PGRMC2: variants seen among roughly 807,000 people sequenced by gnomAD.
PGRMC2 encodes progesterone receptor membrane component 2.
A neutral mutation model predicts 19.3 loss-of-function variants in PGRMC2; 9 were observed. The observed-to-expected ratio is 0.47, with a 90% CI of 0.28 to 0.81. The LOEUF (loss-of-function observed/expected upper bound fraction) is 0.81. Ranked by LOEUF, PGRMC2 falls within the 40% of genes least tolerant of loss-of-function variation. The pLI is 0.11. For synonymous variants in PGRMC2, 157 were observed against 124.6 expected (o/e 1.26, Z -1.73); for missense variants, 289 against 297.3 (o/e 0.97, Z 0.21).
intron 1 of PGRMC2, 67 bp from the exon 2 acceptor site, chr4:128,272,584 TA>T (rs5861848): frequency 0.29 from 98,267 of 333,448 alleles, 5,407 homozygotes; most frequent in East Asian, 0.35. Flanking sequence ...AAGGAAAAAG[TA>T]AAAAAAAAAA....
At chr4:128,286,629 T>A (rs1277521483) in intron 1 of PGRMC2, 3 of 398,500 alleles carry the variant, frequency 7.5e-6, no homozygotes, top group East Asian at 3.6e-5. Flanking sequence ...CTGCTGGGTA[T>A]AGGAGCTCCA....
chr4:128,270,397 A>C lies in PGRMC2; in HGVS notation c.*919T>G, dbSNP rs576230932. The C allele has an allele frequency of 7.2e-5, 11 of 152,720 alleles. No individual in the cohort carries two copies. The highest frequency in any genetic ancestry group is 2.4e-4 in the African/African-American group (10 of 41,572). 9.5% of individuals were successfully genotyped at this position (152,720 alleles called of 1,614,324 possible). A position where few individuals can be genotyped will look rare whatever the true frequency, so the allele number is the denominator to read the frequency against. Reference sequence around the variant, plus strand: ...GAATGCATTTGGCCATTACAATGCTAATTGAGTTTGTGTATATTACATATA... The same window carrying C: ...GAATGCATTTGGCCATTACAATGCTCATTGAGTTTGTGTATATTACATATA... On this transcript the variant is annotated 3_prime_UTR_variant, in exon 3 of 3. Coordinates refer to ENST00000296425, the MANE Select transcript of PGRMC2 (RefSeq NM_006320.6).
chr4:128,287,808 T>TTCC lies in PGRMC2; in HGVS notation c.-21_-19dup, dbSNP rs752288918. 1.3e-6 allele frequency: 2 copies of TTCC among 1,513,066 alleles called. No homozygotes were observed. Among genetic ancestry groups the TTCC allele is most frequent in the South Asian group, 2.3e-5 (2 of 85,944 alleles). 93.7% of individuals were successfully genotyped at this position (1,513,066 alleles called of 1,614,324 possible). A position where few individuals can be genotyped will look rare whatever the true frequency, so the allele number is the denominator to read the frequency against. On this transcript the variant is annotated 5_prime_UTR_variant, in exon 1 of 3. Transcript: ENST00000296425. ...GCCGCCATCACTGCCCGCCAGCGCCTTCCTCCTCCTCCCCGCCCCCTGCCC... is the reference window on the plus strand; with the variant it reads ...GCCGCCATCACTGCCCGCCAGCGCCTTCCTCCTCCTCCTCCCCGCCCCCTGCCC...
chr4:128,273,174 G>C (rs1280953940), intron 1 of PGRMC2: 1 of 152,026 alleles, frequency 6.6e-6, no homozygotes, highest in Non-Finnish European at 1.5e-5. Flanking sequence ...ATATAAACTA[G>C]GAAAAGTCAT....
At position 128,278,865 on chromosome 4, in the gene PGRMC2, T is replaced by A. The variant is rs556039885; in HGVS notation, c.419-6348A>T. Among the ~76,000 whole-genome samples, 12 of 152,250 alleles carry A rather than the reference T, an allele frequency of 7.9e-5. No homozygotes were observed. The South Asian group carries it at 2.5e-3, about 32-fold the overall frequency. ...AAAAATATTTGCGGCAAAGGCTGAT[T>A]TACTTTATAAAGAACACCTAAAATC... On this transcript the variant is annotated intron_variant, in intron 1 of 2. Coordinates refer to ENST00000296425, the MANE Select transcript of PGRMC2 (RefSeq NM_006320.6).
At chr4:128,277,067 G>C (rs1760825385) in intron 1 of PGRMC2, among the ~76,000 whole-genome samples, 1 of 152,164 alleles carries the variant, frequency 6.6e-6, no homozygotes, top group South Asian at 2.1e-4. Flanking sequence ...TGAGGCAGGA[G>C]AATGGCGTGA....
chr4:128,272,622 C>T (rs1760751056), intron 1 of PGRMC2, 105 bp from the exon 2 acceptor site: 1 of 673,844 alleles, frequency 1.5e-6, no homozygotes, highest in African/African-American at 2.0e-5. Flanking sequence ...AGAAAAAAAC[C>T]CCTCATAATT....
chr4:128,281,497 A>T (rs2110563214), intron 1 of PGRMC2, among the ~76,000 whole-genome samples: 1 of 152,282 alleles, frequency 6.6e-6, no homozygotes, highest in African/African-American at 2.4e-5. Context: ...TGGAAGAAAT[A>T]AAAAAATCAA....
At chr4:128,283,754 T>A (rs905499775) in intron 1 of PGRMC2, among the ~76,000 whole-genome samples, 3 of 151,656 alleles carry the variant, frequency 2.0e-5, no homozygotes, top group African/African-American at 7.3e-5. Context: ...ACCTCCTAGG[T>A]TCAAGTGATT....
chr4:128,286,662 T>A, intron 1 of PGRMC2: 2 of 398,526 alleles, frequency 5.0e-6, no homozygotes, highest in Non-Finnish European at 4.4e-6. Context: ...AAGGTGAATA[T>A]CCTTACCAGT....
At chr4:128,285,523 C>A (rs1760970955) in intron 1 of PGRMC2, among the ~76,000 whole-genome samples, 1 of 152,184 alleles carries the variant, frequency 6.6e-6, no homozygotes, top group Non-Finnish European at 1.5e-5. Context: ...TCAGATACTG[C>A]CAAGGCATAA....
intron 1 of PGRMC2, chr4:128,286,950 C>T (rs1760992574): frequency 5.2e-6 from 2 of 384,358 alleles, no homozygotes; most frequent in African/African-American, 2.1e-5. Context: ...GTTTAGGTCC[C>T]AACTTCAGAA....
In PGRMC2 at chr4:128,270,829, T is replaced by A. The variant is rs1339249793; in HGVS notation, c.*487A>T. On this transcript the variant is annotated 3_prime_UTR_variant, in exon 3 of 3. Transcript: ENST00000296425. ...TTTCAGTAGCCTGAACAACTCAAAT[T>A]GATGTGTACCCCCACCTCCCCTGAT... The A allele has an allele frequency of 6.6e-6, 1 of 152,220 alleles. No individual in the cohort carries two copies. Among genetic ancestry groups the A allele is most frequent in the Non-Finnish European group, 1.5e-5 (1 of 68,082 alleles). The allele number at this position is 152,220 out of a possible 1,614,324, so 9.4% of individuals were successfully genotyped here.
intron 1 of PGRMC2, among the ~76,000 whole-genome samples, chr4:128,285,571 T>C (rs1025818292): frequency 5.9e-5 from 9 of 152,256 alleles, no homozygotes; most frequent in African/African-American, 1.9e-4. Flanking sequence ...ACTAATACTT[T>C]GTTTTCTTCA....
Position 128,271,331 on chromosome 4 carries a change from G to C in PGRMC2, c.657C>G (p.His219Gln). ...EYTDEEDTKD[H>Q]NKQD ...TTTACAAAGTTCAATCCTGTTTATT[G>C]TGATCCTTGGTATCTTCTTCATCTG... The change falls in exon 3 of 3, where the codon CAC becomes CAG. Residue 219 changes from histidine to glutamine, a missense_variant. Transcript: ENST00000296425. 3.1e-6 allele frequency: 5 copies of C among 1,591,528 alleles called. No homozygotes were observed. The highest frequency in any genetic ancestry group is 4.3e-6 in the Non-Finnish European group (5 of 1,160,200).
chr4:128,271,283 C>A lies in PGRMC2; in HGVS notation c.*33G>T. On this transcript the variant is annotated 3_prime_UTR_variant, in exon 3 of 3. Transcript: ENST00000296425. ...GTGAAAGGGAGTAAGAATTGCAGTT[C>A]TGAAGGCCCCTGACTTTGGTTGTTT... is the stretch of plus-strand genomic sequence containing the variant. The A allele has an allele frequency of 8.5e-7, 1 of 1,183,282 alleles. No homozygotes were observed. Among genetic ancestry groups the A allele is most frequent in the Non-Finnish European group, 1.3e-6 (1 of 797,918 alleles). The allele number at this position is 1,183,282 out of a possible 1,614,324, so 73.3% of individuals were successfully genotyped here. A position where few individuals can be genotyped will look rare whatever the true frequency, so the allele number is the denominator to read the frequency against.
intron 1 of PGRMC2, 105 bp downstream of exon 1, chr4:128,287,268 A>C: frequency 7.5e-7 from 1 of 1,336,726 alleles, no homozygotes; most frequent in Non-Finnish European, 1.0e-6. Flanking sequence ...GGTCCCGGAG[A>C]CGAGAAGGCT....
intron 1 of PGRMC2, among the ~76,000 whole-genome samples, chr4:128,284,009 C>A (rs1163318502): frequency 6.6e-6 from 1 of 150,616 alleles, no homozygotes; most frequent in Non-Finnish European, 1.5e-5. Context: ...TGGGGTTTCA[C>A]CATGTTGGAC....
intron 1 of PGRMC2, among the ~76,000 whole-genome samples, chr4:128,281,085 C>A (rs949311995): frequency 6.6e-6 from 1 of 152,046 alleles, no homozygotes; most frequent in Non-Finnish European, 1.5e-5. Flanking sequence ...TAAATTTAAA[C>A]AAGGACTATA....
Sources: allele counts gnomAD v4.1 joint callset (sites outside exome capture counted in the v4.1 genomes callset), GRCh38; gene constraint gnomAD v4.1.1; transcripts MANE v1.5; gene names NCBI Gene and HGNC (gene_info 2026-07-23, HGNC 2026-07-21).